SCYL2: variants seen among roughly 807,000 people sequenced by gnomAD.
SCYL2 encodes the protein SCY1-like protein 2.
In SCYL2, 36 loss-of-function variants were observed where a neutral mutation model predicts 100.4. The observed-to-expected ratio is 0.36, with a 90% confidence interval of 0.27 to 0.47. The LOEUF (loss-of-function observed/expected upper bound fraction) is 0.47, where lower values mean the gene tolerates loss of function less well. Among genes scored for constraint, SCYL2 ranks in the 20% least tolerant of loss-of-function variants. The pLI, the probability that SCYL2 is intolerant of heterozygous loss-of-function variation, is 1.00. For synonymous variants in SCYL2, 330 were observed against 359.2 expected (o/e 0.92, Z 0.92); for missense variants, 902 against 1,083.9 (o/e 0.83, Z 2.36).
intron 2 of SCYL2, among the ~76,000 whole-genome samples, chr12:100,288,665 G>A (rs369709531): frequency 2.2e-4 from 33 of 151,700 alleles, no homozygotes; most frequent in Admixed American, 3.3e-4. Context: ...GTGAGACCTC[G>A]TCTCTACAAA....
chr12:100,318,982 A>G (rs1319562114), intron 10 of SCYL2, among the ~76,000 whole-genome samples: 1 of 152,228 alleles, frequency 6.6e-6, no homozygotes, highest in Non-Finnish European at 1.5e-5. Context: ...CTTTGAAAAT[A>G]CATACTTATG....
At position 100,267,185 on chromosome 12, in the gene SCYL2, T is replaced by C; in HGVS notation, c.-636T>C. ...CGGCCGGCAGGTCTTTTAGTCTTTT[T>C]CCCCCTCCCTTACTCTTCGTCCCCG... On this transcript the variant is annotated 5_prime_UTR_variant, in exon 1 of 18. Coordinates refer to ENST00000360820, the MANE Select transcript of SCYL2 (RefSeq NM_017988.6). 8.2e-7 allele frequency: 1 copy of C among 1,217,430 alleles called. No homozygotes were observed. Among genetic ancestry groups the C allele is most frequent in the Non-Finnish European group, 1.1e-6 (1 of 871,646 alleles). The allele number at this position is 1,217,430 out of a possible 1,614,324, so 75.4% of individuals were successfully genotyped here.
At chr12:100,274,506 A>G (rs369437139) in intron 1 of SCYL2, among the ~76,000 whole-genome samples, 1 of 152,204 alleles carries the variant, frequency 6.6e-6, no homozygotes. Context: ...TGTTATTAAC[A>G]TCTGTCCTGA....
At position 100,283,703 on chromosome 12, in the gene SCYL2, A is replaced by T. The variant is rs183210160; in HGVS notation, c.177+556A>T. 8.7e-4 allele frequency among the ~76,000 whole-genome samples: 132 copies of T among 152,294 alleles called. 1 individual carries two copies. The highest frequency in any genetic ancestry group is 3.7e-4 in the Non-Finnish European group (25 of 68,024). ...TTATATATACCTCCCAATGACTACC[A>T]CAGTCATACAATTGTGGGTATGCAT... On this transcript the variant is annotated intron_variant, in intron 2 of 17. Transcript: ENST00000360820.
At chr12:100,294,412 G>A (rs1162126147) in intron 3 of SCYL2, among the ~76,000 whole-genome samples, 5 of 111,826 alleles carry the variant, frequency 4.5e-5, no homozygotes, top group East Asian at 2.7e-4. Context: ...CCCGGACGGG[G>A]CGGCTGGCCG....
At chr12:100,308,569 T>C (rs1341601499) in intron 4 of SCYL2, among the ~76,000 whole-genome samples, 1 of 152,102 alleles carries the variant, frequency 6.6e-6, no homozygotes, top group Non-Finnish European at 1.5e-5. Flanking sequence ...CAAACCACCA[T>C]GGCACGTGTA....
intron 3 of SCYL2, among the ~76,000 whole-genome samples, chr12:100,294,567 G>A (rs1234918625): frequency 2.9e-5 from 4 of 137,028 alleles, no homozygotes; most frequent in East Asian, 2.2e-4. Flanking sequence ...CTGGCCGGGC[G>A]GGGGCTGACC....
At position 100,270,695 on chromosome 12, in the gene SCYL2, G is replaced by A. The variant is rs151163659; in HGVS notation, c.-29+2903G>A. Among the ~76,000 whole-genome samples the A allele has an allele frequency of 6.2e-3, 923 of 147,794 alleles. 3 individuals carry two copies. Among genetic ancestry groups the A allele is most frequent in the Middle Eastern group, 0.018 (5 of 276 alleles). Reference sequence around the variant, plus strand: ...TCACTATGTTGCCCAGGCTGGTCTCGAACTCCTGAGCTCAAGTGATCCTCC... The same window carrying A: ...TCACTATGTTGCCCAGGCTGGTCTCAAACTCCTGAGCTCAAGTGATCCTCC... On this transcript the variant is annotated intron_variant, in intron 1 of 17. Coordinates refer to ENST00000360820, the MANE Select transcript of SCYL2 (RefSeq NM_017988.6).
At chr12:100,293,114 C>T (rs2096312512) in intron 3 of SCYL2, among the ~76,000 whole-genome samples, 3 of 151,776 alleles carry the variant, frequency 2.0e-5, no homozygotes, top group African/African-American at 7.3e-5. Context: ...CTGTGCCTGG[C>T]CTCTTCTTTT....
chr12:100,315,710 G>T lies in SCYL2; in HGVS notation c.1248G>T (p.Val416=). 6.2e-7 allele frequency: 1 copy of T among 1,608,452 alleles called. No homozygotes were observed. Among genetic ancestry groups the T allele is most frequent in the Non-Finnish European group, 8.5e-7 (1 of 1,177,286 alleles). The change falls in exon 9 of 18, where the codon GTG becomes GTT. Residue 416 remains valine (V), a synonymous_variant. Coordinates refer to ENST00000360820, the MANE Select transcript of SCYL2 (RefSeq NM_017988.6). ...VKLILPELGP[V]FKQQEPIQIL... is the part of the protein sequence containing the mutation. Reference sequence around the variant, plus strand: ...TAATTCTTCCTGAACTTGGCCCTGTGTTTAAGCAGCAGGAGCCAATCCAGG... The same window carrying T: ...TAATTCTTCCTGAACTTGGCCCTGTTTTTAAGCAGCAGGAGCCAATCCAGG...
intron 1 of SCYL2, among the ~76,000 whole-genome samples, chr12:100,272,664 C>T (rs1385589661): frequency 1.3e-5 from 2 of 152,134 alleles, no homozygotes; most frequent in African/African-American, 2.4e-5. Flanking sequence ...TTCTATATGT[C>T]GTTGGTAAAT....
At chr12:100,332,066 A>C (rs1043844591) in intron 13 of SCYL2, among the ~76,000 whole-genome samples, 8 of 152,308 alleles carry the variant, frequency 5.3e-5, no homozygotes, top group African/African-American at 1.9e-4. Context: ...AAATCAGGAA[A>C]GGGAAAAGGT....
intron 3 of SCYL2, among the ~76,000 whole-genome samples, chr12:100,294,746 GC>G (rs2096316455): frequency 6.9e-6 from 1 of 144,266 alleles, no homozygotes; most frequent in Admixed American, 6.8e-5. Flanking sequence ...CGGGTGGGGG[GC>G]TGACCCCCCC....
At chr12:100,322,372 CAAAAAAAAAAAAA>C (rs34959294) in intron 10 of SCYL2, among the ~76,000 whole-genome samples, 11 of 61,830 alleles carry the variant, frequency 1.8e-4, no homozygotes, top group African/African-American at 6.2e-4. Flanking sequence ...GACTCCGTCT[CAAAAAAAAAAAAA>C]AAAAAAAAGA....
At chr12:100,335,735 AGGGCTTTT>A in intron 15 of SCYL2, 44 bp downstream of exon 15, 1 of 1,588,984 alleles carries the variant, frequency 6.3e-7, no homozygotes, top group Non-Finnish European at 8.6e-7. Context: ...CTTCATCTGG[AGGGCTTTT>A]AATCTTTAAG....
At chr12:100,281,068 A>T (rs531029989) in intron 1 of SCYL2, among the ~76,000 whole-genome samples, 1 of 113,104 alleles carries the variant, frequency 8.8e-6, no homozygotes, top group South Asian at 2.8e-4. Context: ...CCTGGCTGTC[A>T]CCCAGGCGGG....
Position 100,339,010 on chromosome 12 carries a change from T to G in SCYL2, c.2628T>G (p.Thr876=). The G allele has an allele frequency of 6.2e-7, 1 of 1,614,128 alleles. No individual in the cohort carries two copies. Among genetic ancestry groups the G allele is most frequent in the Non-Finnish European group, 8.5e-7 (1 of 1,179,968 alleles). Residue 876 remains threonine (T), a synonymous_variant, in exon 18 of 18, where the codon ACT becomes ACG. Coordinates refer to ENST00000360820, the MANE Select transcript of SCYL2 (RefSeq NM_017988.6). ...NQFVPPQGSP[T]MGSSVMGTQM... Reference sequence around the variant, plus strand: ...TTGTACCTCCTCAAGGTTCTCCAACTATGGGCAGTTCAGTAATGGGGACAC... The same window carrying G: ...TTGTACCTCCTCAAGGTTCTCCAACGATGGGCAGTTCAGTAATGGGGACAC...
rs571183852 is a variant in SCYL2 at position 100,325,297 on chromosome 12, G to A, written c.1510-1325G>A. 5.3e-5 allele frequency among the ~76,000 whole-genome samples: 8 copies of A among 152,284 alleles called. No homozygotes were observed. In the South Asian group the frequency reaches 1.7e-3, roughly 32 times the overall value. On this transcript the variant is annotated intron_variant, in intron 11 of 17. Coordinates refer to ENST00000360820, the MANE Select transcript of SCYL2 (RefSeq NM_017988.6). ...GGGGTATGTAGAAATGGGAAACATG[G>A]ATACTTAAATGATGTGAATTGCTGC... is the stretch of plus-strand genomic sequence containing the variant.
rs1592948601 is a variant in SCYL2 at position 100,304,356 on chromosome 12, T to C, written c.480+6181T>C. On this transcript the variant is annotated intron_variant, in intron 4 of 17. Coordinates refer to ENST00000360820, the MANE Select transcript of SCYL2 (RefSeq NM_017988.6). Reference sequence around the variant, plus strand: ...GTGTCTGCCCAAACGGCGCCCAGTTTTGTGCTTGAAACCCAGGGTCCTGGT... The same window carrying C: ...GTGTCTGCCCAAACGGCGCCCAGTTCTGTGCTTGAAACCCAGGGTCCTGGT... Among the ~76,000 whole-genome samples, 3 of 152,100 alleles carry C rather than the reference T, an allele frequency of 2.0e-5. No individual in the cohort carries two copies. The South Asian group carries it at 6.2e-4, about 32-fold the overall frequency.
Sources: allele counts gnomAD v4.1 joint callset (sites outside exome capture counted in the v4.1 genomes callset), GRCh38; gene constraint gnomAD v4.1.1; transcripts MANE v1.5; gene names NCBI Gene and HGNC (gene_info 2026-07-23, HGNC 2026-07-21).